CLIC5: variants seen among roughly 807,000 people sequenced by gnomAD.
The protein encoded by CLIC5 is chloride intracellular channel protein 5.
A neutral mutation model predicts 24.7 loss-of-function variants in CLIC5; 20 were observed. The observed-to-expected ratio is 0.81, with a 90% CI of 0.57 to 1.18. The LOEUF is 1.18. Among genes scored for constraint, CLIC5 ranks in the 50% most tolerant of loss-of-function variants. CLIC5 has a pLI of 0.00. For synonymous variants in CLIC5, 159 were observed against 135.6 expected (o/e 1.17, Z -1.20); for missense variants, 341 against 326.1 (o/e 1.05, Z -0.35).
chr6:45,914,724 G>A (rs897837004), intron 4 of CLIC5, among the ~76,000 whole-genome samples: 7 of 151,706 alleles, frequency 4.6e-5, no homozygotes, highest in East Asian at 2.0e-4. Flanking sequence ...AGGCCGAGGC[G>A]GGCAGATCAT....
chr6:45,931,409 C>T (rs182581471), intron 4 of CLIC5, among the ~76,000 whole-genome samples: 203 of 152,092 alleles, frequency 1.3e-3, no homozygotes, highest in African/African-American at 4.7e-3. Flanking sequence ...ACTTTTTTTC[C>T]AACAGGGCAG....
chr6:45,913,824 GA>G, intron 5 of CLIC5: 1 of 1,231,102 alleles, frequency 8.1e-7, no homozygotes, highest in East Asian at 3.2e-5. Flanking sequence ...TGTGCACAAA[GA>G]AAAAATGCAT....
chr6:45,881,011 A>G (rs937436829), downstream of CLIC5: 2 of 397,466 alleles, frequency 5.0e-6, no homozygotes, highest in East Asian at 7.1e-5. Context: ...GACTTCAACA[A>G]ATATTTAAAC....
chr6:46,027,973 T>C (rs1767388043), intron 1 of CLIC5, among the ~76,000 whole-genome samples: 1 of 152,236 alleles, frequency 6.6e-6, no homozygotes, highest in African/African-American at 2.4e-5. Context: ...CATTGTTATT[T>C]TTTCTCTCTG....
chr6:45,887,472 G>A (rs888265586), intron 6 of CLIC5, among the ~76,000 whole-genome samples: 1 of 152,242 alleles, frequency 6.6e-6, no homozygotes, highest in Non-Finnish European at 1.5e-5. Context: ...GGATTAAGGT[G>A]AGCCCTAAGC....
At chr6:46,010,234 C>A (rs1272611775) in intron 1 of CLIC5, among the ~76,000 whole-genome samples, 2 of 152,126 alleles carry the variant, frequency 1.3e-5, no homozygotes, top group African/African-American at 4.8e-5. Flanking sequence ...GAGGGAAGCC[C>A]AAGGGCTTTA....
chr6:46,051,144 ACTG>A (rs1240489765), intron 1 of CLIC5, among the ~76,000 whole-genome samples: 1 of 152,172 alleles, frequency 6.6e-6, no homozygotes, highest in African/African-American at 2.4e-5. Flanking sequence ...TCTAGTGTTT[ACTG>A]TCACTCTTTC....
At chr6:46,013,641 T>C (rs1352260755) in intron 1 of CLIC5, among the ~76,000 whole-genome samples, 2 of 152,200 alleles carry the variant, frequency 1.3e-5, no homozygotes, top group Non-Finnish European at 2.9e-5. Context: ...AATTGTGCAG[T>C]AAGGTTTTTA....
chr6:45,981,742 T>A (rs767435099), intron 1 of CLIC5, among the ~76,000 whole-genome samples: 2 of 152,162 alleles, frequency 1.3e-5, no homozygotes, highest in Non-Finnish European at 2.9e-5. Context: ...CGGTGGCTCA[T>A]GCCAATAATC....
At chr6:46,024,456 G>A (rs1271467583) in intron 1 of CLIC5, among the ~76,000 whole-genome samples, 1 of 152,098 alleles carries the variant, frequency 6.6e-6, no homozygotes, top group Non-Finnish European at 1.5e-5. Flanking sequence ...CTTATAAAGA[G>A]ACTAGGGTAT....
At chr6:45,949,233 C>T in intron 3 of CLIC5, 23 bp downstream of exon 3, 3 of 1,608,080 alleles carry the variant, frequency 1.9e-6, no homozygotes, top group African/African-American at 2.7e-5. Flanking sequence ...ATTCAACAGC[C>T]CCAGAAAGAA....
rs9472684 is a variant in CLIC5, at chr6:46,079,412, T to C, written c.540+291A>G. On this transcript the variant is annotated intron_variant, in intron 1 of 5. Coordinates refer to the CLIC5 transcript ENST00000185206. The stretch of plus-strand genomic sequence containing the variant: ...TTAATGTCAGCCACAATGGCAAGGA[T>C]TTGGGCAGCAGTTATGGCTCACTTA... 0.29 allele frequency among the ~76,000 whole-genome samples: 44,390 copies of C among 152,222 alleles called. 7,258 individuals carry two copies. The highest frequency in any genetic ancestry group is 0.43 in the Middle Eastern group (125 of 294).
At chr6:46,058,422 A>G (rs962515323) in intron 1 of CLIC5, among the ~76,000 whole-genome samples, 2 of 152,232 alleles carry the variant, frequency 1.3e-5, no homozygotes, top group African/African-American at 4.8e-5. Flanking sequence ...AATTTCCTCC[A>G]AGGCTAAAGA....
intron 1 of CLIC5, among the ~76,000 whole-genome samples, chr6:45,995,449 T>G (rs1766098541): frequency 6.6e-6 from 1 of 152,202 alleles, no homozygotes; most frequent in Non-Finnish European, 1.5e-5. Flanking sequence ...GAGAAAGAAC[T>G]CACAGTGTGA....
At chr6:45,955,942 A>G (rs531018469) in intron 1 of CLIC5, among the ~76,000 whole-genome samples, 1 of 152,292 alleles carries the variant, frequency 6.6e-6, no homozygotes. Flanking sequence ...TATGTGCAAG[A>G]CACTGGAGAA....
chr6:46,020,613 A>G (rs1767148692), upstream of CLIC5, among the ~76,000 whole-genome samples: 1 of 152,026 alleles, frequency 6.6e-6, no homozygotes. Context: ...AAAATAAAAC[A>G]ATAGAGAAAA....
chr6:46,042,557 TAC>T (rs147448953), intron 1 of CLIC5, among the ~76,000 whole-genome samples: 6,674 of 152,300 alleles, frequency 0.044, 209 homozygotes, highest in Non-Finnish European at 0.071. Flanking sequence ...ACATCATCAG[TAC>T]AGTCATGCCT....
intron 1 of CLIC5, among the ~76,000 whole-genome samples, chr6:45,963,236 T>G (rs531960951): frequency 5.3e-5 from 8 of 152,284 alleles, no homozygotes; most frequent in African/African-American, 1.7e-4. Context: ...CTAAAACTTT[T>G]GATTATCCTT....
the CLIC5 span, among the ~76,000 whole-genome samples, chr6:46,116,746 G>T: frequency 6.6e-6 from 1 of 152,184 alleles, no homozygotes; most frequent in East Asian, 1.9e-4. Flanking sequence ...GTAGGTGCCT[G>T]GTTGCTTAAA....
Sources: gnomAD v4.1 joint callset for allele counts (sites outside exome capture counted in the v4.1 genomes callset) on GRCh38, gnomAD v4.1.1 for gene constraint, MANE v1.5 for transcripts, NCBI Gene and HGNC (gene_info 2026-07-23, HGNC 2026-07-21) for gene names.